The following DEFB110 variants were observed in gnomAD, a reference collection of about 807,000 sequenced individuals.
DEFB110 encodes beta-defensin 110.
Under a neutral mutation model 2.5 loss-of-function variants are expected in DEFB110, and 4 were observed. That is an observed-to-expected ratio of 1.60 (90% CI 0.79 to 3.66). The LOEUF (loss-of-function observed/expected upper bound fraction) is 3.66. DEFB110 is among the 30% of genes most tolerant of loss of function. The pLI is 0.01. For synonymous variants in DEFB110, 29 were observed against 21.8 expected (o/e 1.33, Z -0.92); for missense variants, 94 against 75.4 (o/e 1.25, Z -0.91).
downstream of DEFB110, among the ~76,000 whole-genome samples, chr6:50,017,686 T>C (rs1380785340): frequency 4.2e-5 from 6 of 142,610 alleles, no homozygotes; most frequent in Middle Eastern, 3.4e-3. Flanking sequence ...TCAAAGACTA[T>C]GTAAATTTTA....
At chr6:50,020,408 C>T (rs113698326) in intron 1 of DEFB110, among the ~76,000 whole-genome samples, 292 of 150,868 alleles carry the variant, frequency 1.9e-3, no homozygotes, top group Middle Eastern at 3.4e-3. Flanking sequence ...GTACCCTGGC[C>T]GATTCGTTTT....
chr6:50,019,195 G>C (rs1774374439), intron 1 of DEFB110, 70 bp from the exon 2 acceptor site: 2 of 1,504,096 alleles, frequency 1.3e-6, no homozygotes, highest in East Asian at 2.3e-5. Context: ...AAAGGAGAAA[G>C]TCCATGAAGC....
At chr6:50,010,987 TATG>T (rs958820239) in intron 1 of DEFB110, among the ~76,000 whole-genome samples, 10 of 151,806 alleles carry the variant, frequency 6.6e-5, no homozygotes, top group African/African-American at 2.4e-4. Flanking sequence ...TGTTTTGAGT[TATG>T]AGGAAATCTA....
chr6:50,015,208 A>C (rs1315453870), downstream of DEFB110, among the ~76,000 whole-genome samples: 1 of 151,736 alleles, frequency 6.6e-6, no homozygotes, highest in Non-Finnish European at 1.5e-5. Flanking sequence ...TTCTACATCC[A>C]TTCCTCATTG....
At chr6:50,016,601 G>T (rs923049791), downstream of DEFB110, among the ~76,000 whole-genome samples, 11 of 151,508 alleles carry the variant, frequency 7.3e-5, no homozygotes, top group African/African-American at 2.4e-4. Context: ...GTAAATTCTG[G>T]GGGCAGAGTA....
In DEFB110 at chr6:50,019,064, A is replaced by G. The variant is rs1774370143; in HGVS notation, c.117T>C (p.Asn39=). The change falls in exon 2 of 2, where the codon AAT becomes AAC. Residue 39 remains asparagine, a synonymous_variant. Coordinates refer to ENST00000371148, the MANE Select transcript of DEFB110 (RefSeq NM_001037497.2). ...CATGACACTGATTTTTACATTGACC[A>G]TTACCTATTCTGCACTCTCTCCTCA... is the stretch of plus-strand genomic sequence containing the variant. ...LDLRRECRIG[N]GQCKNQCHEN... 2 of 1,613,260 alleles carry G rather than the reference A, an allele frequency of 1.2e-6. No individual in the cohort carries two copies. Among genetic ancestry groups the G allele is most frequent in the East Asian group, 2.2e-5 (1 of 44,830 alleles).
chr6:50,017,708 A>G (rs1282396322), downstream of DEFB110, among the ~76,000 whole-genome samples: 3 of 150,802 alleles, frequency 2.0e-5, no homozygotes, highest in East Asian at 2.1e-4. Context: ...CTGAGTGGAG[A>G]AAAAAAAATT....
chr6:50,010,542 G>T (rs1005174684), intron 1 of DEFB110, among the ~76,000 whole-genome samples: 5 of 147,806 alleles, frequency 3.4e-5, no homozygotes, highest in African/African-American at 5.1e-5. Flanking sequence ...TATATATATA[G>T]ACATACATAG....
chr6:50,017,155 C>CT (rs1231977957), downstream of DEFB110, among the ~76,000 whole-genome samples: 1 of 151,666 alleles, frequency 6.6e-6, no homozygotes, highest in Non-Finnish European at 1.5e-5. Context: ...TTTTACTAAT[C>CT]TTTTTCTTGA....
At chr6:50,016,029 C>G (rs528557273), downstream of DEFB110, among the ~76,000 whole-genome samples, 106 of 151,844 alleles carry the variant, frequency 7.0e-4, no homozygotes, top group Non-Finnish European at 2.1e-4. Flanking sequence ...AAATCCAAAA[C>G]CCATGACATT....
rs764220524 is a variant in DEFB110 at position 50,021,953 on chromosome 6, A to G, written c.-18T>C. 1 of 1,537,220 alleles carries G rather than the reference A, an allele frequency of 6.5e-7. No individual in the cohort carries two copies. The highest frequency in any genetic ancestry group is 8.7e-7 in the Non-Finnish European group (1 of 1,151,962). On this transcript the variant is annotated 5_prime_UTR_variant, in exon 1 of 2. Transcript: ENST00000371148. Reference sequence around the variant, plus strand: ...ATCTTCATGGTAGAGAGTTTCTTAAAAAAAGGGGGCAACAGACCTCCTTTT... The same window carrying G: ...ATCTTCATGGTAGAGAGTTTCTTAAGAAAAGGGGGCAACAGACCTCCTTTT...
downstream of DEFB110, among the ~76,000 whole-genome samples, chr6:50,018,267 C>T (rs1417351221): frequency 2.0e-5 from 3 of 151,932 alleles, no homozygotes. Context: ...GACTGAATAG[C>T]TGCATTAAAC....
chr6:50,019,639 A>G (rs1216281053), intron 1 of DEFB110, among the ~76,000 whole-genome samples: 1 of 152,086 alleles, frequency 6.6e-6, no homozygotes, highest in Non-Finnish European at 1.5e-5. Context: ...TCCCAAAGAA[A>G]TCATCTAACT....
At chr6:50,011,327 T>C (rs2113937047) in intron 1 of DEFB110, among the ~76,000 whole-genome samples, 1 of 152,148 alleles carries the variant, frequency 6.6e-6, no homozygotes, top group South Asian at 2.1e-4. Flanking sequence ...GGAGGAAAGA[T>C]GCATAGTATC....
downstream of DEFB110, among the ~76,000 whole-genome samples, chr6:50,014,028 C>T (rs969502980): frequency 6.6e-6 from 1 of 151,634 alleles, no homozygotes; most frequent in East Asian, 1.9e-4. Context: ...TAGGAGAAGT[C>T]ATTGGCATTA....
downstream of DEFB110, among the ~76,000 whole-genome samples, chr6:50,017,348 C>A (rs1015682756): frequency 4.0e-5 from 6 of 151,748 alleles, no homozygotes; most frequent in Admixed American, 6.6e-5. Context: ...TTTCCATTTT[C>A]ATTTTTAAAT....
chr6:50,011,156 G>T (rs147112213), intron 1 of DEFB110, among the ~76,000 whole-genome samples: 4 of 150,822 alleles, frequency 2.7e-5, no homozygotes, highest in Non-Finnish European at 5.9e-5. Flanking sequence ...AAATTGATAC[G>T]TATCAATTTA....
intron 1 of DEFB110, among the ~76,000 whole-genome samples, chr6:50,021,291 G>C (rs945739564): frequency 6.6e-6 from 1 of 152,100 alleles, no homozygotes. Flanking sequence ...TCTACAACTG[G>C]TACTGTGCCA....
At chr6:50,018,772 C>T (rs1395643578), downstream of DEFB110, 5 of 1,243,996 alleles carry the variant, frequency 4.0e-6, no homozygotes, top group Non-Finnish European at 3.0e-6. Flanking sequence ...CCTGCTACTT[C>T]TGGTACCAAC....
Sources: allele counts gnomAD v4.1 joint callset (sites outside exome capture counted in the v4.1 genomes callset), GRCh38; gene constraint gnomAD v4.1.1; transcripts MANE v1.5; gene names NCBI Gene and HGNC (gene_info 2026-07-23, HGNC 2026-07-21).